Variants in LTBP1 observed in about 807,000 individuals in gnomAD.
The protein encoded by LTBP1 is latent-transforming growth factor beta-binding protein 1.
LTBP1 carries 129 observed loss-of-function variants against 207.6 expected under a neutral mutation model. The observed-to-expected ratio is 0.62, with a 90% confidence interval of 0.54 to 0.72. The LOEUF (loss-of-function observed/expected upper bound fraction) is 0.72, where lower values mean the gene tolerates loss of function less well. Ranked by LOEUF, LTBP1 falls within the 30% of genes least tolerant of loss-of-function variation. The pLI is 0.00. For synonymous variants in LTBP1, 963 were observed against 833.7 expected (o/e 1.16, Z -2.67); for missense variants, 2,281 against 2,217.2 (o/e 1.03, Z -0.58).
chr2:33,174,487 C>CT (rs2085804811), intron 5 of LTBP1, among the ~76,000 whole-genome samples: 1 of 151,952 alleles, frequency 6.6e-6, no homozygotes, highest in Non-Finnish European at 1.5e-5. Context: ...CTACAAACCA[C>CT]TGCTCAATGA....
chr2:33,110,545 T>A, intron 3 of LTBP1, 37 bp from the exon 4 acceptor site: 1 of 1,579,152 alleles, frequency 6.3e-7, no homozygotes, highest in Non-Finnish European at 8.7e-7. Flanking sequence ...TAAAAGCCCA[T>A]TATTTAATTC....
intron 5 of LTBP1, among the ~76,000 whole-genome samples, chr2:33,172,604 A>G (rs1014685155): frequency 2.0e-5 from 3 of 152,178 alleles, no homozygotes; most frequent in Admixed American, 2.0e-4. Context: ...GCGAGACAGA[A>G]AGTTAACAAG....
At chr2:33,105,901 T>C (rs1343385192) in intron 3 of LTBP1, among the ~76,000 whole-genome samples, 4 of 152,216 alleles carry the variant, frequency 2.6e-5, no homozygotes, top group Non-Finnish European at 5.9e-5. Flanking sequence ...TGGCATGCAG[T>C]GCTGTTTGAT....
chr2:33,344,507 T>C (rs2094674954), intron 25 of LTBP1, among the ~76,000 whole-genome samples: 1 of 152,166 alleles, frequency 6.6e-6, no homozygotes, highest in Non-Finnish European at 1.5e-5. Flanking sequence ...CTGCTGGGAA[T>C]ATCCTCCTGA....
At chr2:33,355,858 C>G (rs962501058) in intron 26 of LTBP1, among the ~76,000 whole-genome samples, 3 of 152,154 alleles carry the variant, frequency 2.0e-5, no homozygotes, top group Non-Finnish European at 4.4e-5. Flanking sequence ...AGTGAAGCCT[C>G]CAGTTCACTC....
At chr2:33,015,829 A>G (rs1688297424) in intron 2 of LTBP1, among the ~76,000 whole-genome samples, 1 of 152,196 alleles carries the variant, frequency 6.6e-6, no homozygotes, top group South Asian at 2.1e-4. Flanking sequence ...GGCACAAAAC[A>G]TGACCAGAGG....
rs568341346 is a variant in LTBP1 at position 33,121,535 on chromosome 2, A to G, written c.1033+10784A>G. Among the ~76,000 whole-genome samples, 326 of 152,146 alleles carry G rather than the reference A, an allele frequency of 2.1e-3. 5 individuals carry two copies. Among genetic ancestry groups the G allele is most frequent in the African/African-American group, 7.4e-3 (306 of 41,502 alleles). Reference sequence around the variant, plus strand: ...ACCAGCTGGGCTCCTTGTTTAACCAACACCCCTTAATGGCTACAGGTGCAT... The same window carrying G: ...ACCAGCTGGGCTCCTTGTTTAACCAGCACCCCTTAATGGCTACAGGTGCAT... On this transcript the variant is annotated intron_variant, in intron 4 of 33. Coordinates refer to ENST00000404816, the MANE Select transcript of LTBP1 (RefSeq NM_206943.4).
intron 7 of LTBP1, among the ~76,000 whole-genome samples, chr2:33,195,377 T>C (rs1429431926): frequency 6.6e-6 from 1 of 152,138 alleles, no homozygotes; most frequent in East Asian, 1.9e-4. Flanking sequence ...GGTCAAAATA[T>C]CAGCATTAAA....
chr2:33,171,720 T>C (rs927749834), intron 5 of LTBP1, among the ~76,000 whole-genome samples: 1 of 151,776 alleles, frequency 6.6e-6, no homozygotes, highest in African/African-American at 2.4e-5. Context: ...TTCACCAAAG[T>C]TGAAATGAAG....
intron 2 of LTBP1, among the ~76,000 whole-genome samples, chr2:33,004,281 G>A (rs1358967193): frequency 6.6e-6 from 1 of 152,012 alleles, no homozygotes; most frequent in Non-Finnish European, 1.5e-5. Flanking sequence ...GTAAGGTCCT[G>A]CCCATCCTGA....
intron 20 of LTBP1, among the ~76,000 whole-genome samples, chr2:33,299,892 G>C (rs1231028098): frequency 6.6e-6 from 1 of 152,052 alleles, no homozygotes; most frequent in African/African-American, 2.4e-5. Context: ...TTCTCCTTTG[G>C]TATTCAGCAG....
chr2:33,376,422 T>C (rs1207140404), intron 31 of LTBP1, among the ~76,000 whole-genome samples: 2 of 152,350 alleles, frequency 1.3e-5, no homozygotes, highest in East Asian at 3.9e-4. Context: ...GCAGAATTAC[T>C]GTGTTAGGCC....
chr2:33,334,690 C>T (rs1428175370), intron 24 of LTBP1, among the ~76,000 whole-genome samples: 2 of 152,048 alleles, frequency 1.3e-5, no homozygotes, highest in Non-Finnish European at 2.9e-5. Context: ...TACCTGTTGT[C>T]TACATAGTGG....
chr2:33,281,792 A>C (rs1212019243), intron 19 of LTBP1, among the ~76,000 whole-genome samples: 2 of 152,182 alleles, frequency 1.3e-5, no homozygotes, highest in East Asian at 3.8e-4. Context: ...GGTGCTGACC[A>C]AAAAGTATTA....
intron 2 of LTBP1, among the ~76,000 whole-genome samples, chr2:32,986,011 A>G (rs1157665583): frequency 6.6e-6 from 1 of 152,084 alleles, no homozygotes; most frequent in Non-Finnish European, 1.5e-5. Flanking sequence ...TTTCCTATCA[A>G]TTGCAAGTAC....
At chr2:33,338,764 G>A (rs1238282945) in intron 24 of LTBP1, among the ~76,000 whole-genome samples, 2 of 152,186 alleles carry the variant, frequency 1.3e-5, no homozygotes, top group Non-Finnish European at 2.9e-5. Flanking sequence ...AGAGACGGAA[G>A]GAGTATGCAC....
intron 2 of LTBP1, 150 bp from the exon 3 acceptor site, chr2:33,020,759 C>T (rs75121489): frequency 7.1e-5 from 49 of 688,442 alleles, no homozygotes; most frequent in South Asian, 3.3e-4. Flanking sequence ...CCCCCTCCTC[C>T]GCCCAACTGC....
chr2:33,105,808 G>A (rs1047968405), intron 3 of LTBP1, among the ~76,000 whole-genome samples: 12 of 152,112 alleles, frequency 7.9e-5, no homozygotes, highest in African/African-American at 2.9e-4. Flanking sequence ...GAAGGTTGGG[G>A]TGACTTTGGC....
At position 33,056,621 on chromosome 2, in the gene LTBP1, C is replaced by T. The variant is rs535462926; in HGVS notation, c.863+35415C>T. Reference sequence around the variant, plus strand: ...TTATAGTTCTTAAAGGTGGCGTGTCCGGAGTTTGTTCCTTCTGATGTTCAG... The same window carrying T: ...TTATAGTTCTTAAAGGTGGCGTGTCTGGAGTTTGTTCCTTCTGATGTTCAG... On this transcript the variant is annotated intron_variant, in intron 3 of 33. Transcript: ENST00000404816. The T allele has an allele frequency of 2.3e-5, 6 of 260,326 alleles. No homozygotes were observed. In the South Asian group the frequency reaches 5.2e-4, roughly 23 times the overall value. The allele number at this position is 260,326 out of a possible 1,614,324, so 16.1% of individuals were successfully genotyped here.
Sources: allele counts gnomAD v4.1 joint callset (sites outside exome capture counted in the v4.1 genomes callset), GRCh38; gene constraint gnomAD v4.1.1; transcripts MANE v1.5; gene names NCBI Gene and HGNC (gene_info 2026-07-23, HGNC 2026-07-21).